RNF123: variants seen among roughly 807,000 people sequenced by gnomAD.
RNF123 encodes E3 ubiquitin-protein ligase RNF123.
Under a neutral mutation model 168.5 loss-of-function variants are expected in RNF123, and 86 were observed. The ratio of observed to expected loss-of-function variants is 0.51; its 90% CI spans 0.43 to 0.61. RNF123 has a LOEUF of 0.61. Among genes scored for constraint, RNF123 ranks in the 20% least tolerant of loss-of-function variants. RNF123 has a pLI of 0.00. For synonymous variants in RNF123, 666 were observed against 689.1 expected (o/e 0.97, Z 0.52); for missense variants, 1,419 against 1,729.7 (o/e 0.82, Z 3.19).
chr3:49,718,385 G>C, intron 35 of RNF123: 1 of 1,613,316 alleles, frequency 6.2e-7, no homozygotes, highest in Non-Finnish European at 8.5e-7. Flanking sequence ...GTCTGGTTGT[G>C]GTGCAGGCGG....
chr3:49,718,582 G>A, intron 35 of RNF123: 1 of 1,613,080 alleles, frequency 6.2e-7, no homozygotes, highest in Non-Finnish European at 8.5e-7. Flanking sequence ...AAGCCTCAGG[G>A]ACCGACCCAC....
intron 3 of RNF123, among the ~76,000 whole-genome samples, chr3:49,693,709 A>G (rs1575518455): frequency 1.3e-5 from 2 of 152,168 alleles, no homozygotes; most frequent in South Asian, 2.1e-4. Flanking sequence ...TGATTGCACT[A>G]TTATAATTTA....
intron 1 of RNF123, among the ~76,000 whole-genome samples, chr3:49,690,671 T>C (rs1185041104): frequency 3.3e-5 from 5 of 152,172 alleles, no homozygotes; most frequent in Admixed American, 2.6e-4. Flanking sequence ...GTGGGACTTA[T>C]GGCTAGAGAT....
chr3:49,707,368 G>T (rs914059694), intron 26 of RNF123, among the ~76,000 whole-genome samples: 4 of 152,174 alleles, frequency 2.6e-5, no homozygotes, highest in Non-Finnish European at 1.5e-5. Flanking sequence ...TGTGTGCCAG[G>T]TGCTGTCCTG....
intron 27 of RNF123, chr3:49,713,307 T>G (rs2080178806): frequency 1.7e-6 from 1 of 603,370 alleles, no homozygotes; most frequent in Non-Finnish European, 2.9e-6. Context: ...CCAGGGCCTG[T>G]CATCCCTTCA....
chr3:49,695,545 G>A (rs1025392877), intron 3 of RNF123, among the ~76,000 whole-genome samples: 2 of 152,244 alleles, frequency 1.3e-5, no homozygotes, highest in African/African-American at 4.8e-5. Flanking sequence ...GAGCAGCAGT[G>A]GGGAGGGGCC....
intron 26 of RNF123, among the ~76,000 whole-genome samples, chr3:49,707,662 G>A (rs1169572435): frequency 6.6e-6 from 1 of 152,118 alleles, no homozygotes. Flanking sequence ...GGGTGATCGA[G>A]GCCTTTGGTA....
rs764513193 is a variant in RNF123, at chr3:49,701,929, C to T, written c.1495+19C>T. The T allele has an allele frequency of 7.7e-6, 12 of 1,557,584 alleles. No homozygotes were observed. The highest frequency in any genetic ancestry group is 1.7e-4 in the Middle Eastern group (1 of 5,874). Reference sequence around the variant, plus strand: ...ATCGAAGGTCAGCCCGCCTTGGGCACGGGGTAGGGTGGGAGGTGTGTGTGT... The same window carrying T: ...ATCGAAGGTCAGCCCGCCTTGGGCATGGGGTAGGGTGGGAGGTGTGTGTGT... On this transcript the variant is annotated intron_variant, in intron 17 of 38. Coordinates refer to ENST00000327697, the MANE Select transcript of RNF123 (RefSeq NM_022064.5).
rs200056189 is a variant in RNF123, at chr3:49,691,200, G to C, written c.35G>C (p.Arg12Pro). The C allele has an allele frequency of 3.7e-6, 6 of 1,613,902 alleles. No homozygotes were observed. The highest frequency in any genetic ancestry group is 1.7e-4 in the Middle Eastern group (1 of 6,032). ...AAGGGGGCCGGCATGTCTTTCTCCCGCAAGAGCTATAGGCTGACCTCAGAT... is the reference window on the plus strand; with the variant it reads ...AAGGGGGCCGGCATGTCTTTCTCCCCCAAGAGCTATAGGCTGACCTCAGAT... ...ASKGAGMSFS[R>P]KSYRLTSDAE... is the part of the protein sequence containing the mutation. The change falls in exon 2 of 39, where the codon CGC (arginine) becomes CCC (proline). Residue 12 changes from arginine (R) to proline (P), a missense_variant. Arg to Pro is a moderately radical substitution (Grantham distance 103). Coordinates refer to ENST00000327697, the MANE Select transcript of RNF123 (RefSeq NM_022064.5).
intron 35 of RNF123, chr3:49,719,080 A>G (rs1251165471): frequency 2.5e-6 from 4 of 1,613,636 alleles, no homozygotes; most frequent in Non-Finnish European, 3.4e-6. Context: ...CAGCCCGTCG[A>G]GGTCGTGGCG....
intron 34 of RNF123, 51 bp from the exon 35 acceptor site, chr3:49,716,342 T>C (rs1427251892): frequency 6.3e-7 from 1 of 1,591,528 alleles, no homozygotes. Flanking sequence ...CCTGGAGCCC[T>C]TGAAGCAGGA....
chr3:49,706,057 C>T lies in RNF123; in HGVS notation c.2380C>T (p.Pro794Ser). ...CACAGAGGACAAGCTCCGCCGGTGC[C>T]CCAAGAGGGTAAGGCCCACATAGTC... ...RDTEDKLRRC[P>S]KRRKDILAEL... The change falls in exon 25 of 39, where the codon CCC becomes TCC. Residue 794 changes from proline to serine, a missense_variant. Pro to Ser is a moderately conservative substitution (Grantham distance 74). Coordinates refer to ENST00000327697, the MANE Select transcript of RNF123 (RefSeq NM_022064.5). The T allele has an allele frequency of 6.2e-7, 1 of 1,614,080 alleles. No homozygotes were observed. Among genetic ancestry groups the T allele is most frequent in the Non-Finnish European group, 8.5e-7 (1 of 1,179,966 alleles).
chr3:49,695,466 C>CT (rs2054250217), intron 3 of RNF123, among the ~76,000 whole-genome samples: 1 of 152,194 alleles, frequency 6.6e-6, no homozygotes. Flanking sequence ...ATGGGGTTGG[C>CT]TTTAGCCTTC....
intron 35 of RNF123, 111 bp downstream of exon 35, chr3:49,716,588 C>T (rs556952605): frequency 4.2e-6 from 4 of 959,870 alleles, no homozygotes; most frequent in Non-Finnish European, 6.5e-6. Context: ...TGGACCTCAG[C>T]ATCAGGTTTT....
Position 49,712,596 on chromosome 3 carries a change from A to G in RNF123, c.2614A>G (p.Asn872Asp). 6.2e-7 allele frequency: 1 copy of G among 1,614,222 alleles called. No individual in the cohort carries two copies. Among genetic ancestry groups the G allele is most frequent in the East Asian group, 2.2e-5 (1 of 44,880 alleles). The change falls in exon 27 of 39, where the codon AAC (asparagine) becomes GAC (aspartate). Residue 872 changes from asparagine to aspartate, a missense_variant. Transcript: ENST00000327697. Reference protein sequence around the residue: ...MPEFYLSVAINSYSALKNYFG... With the variant: ...MPEFYLSVAIDSYSALKNYFG... The stretch of plus-strand genomic sequence containing the variant: ...CGAGTTCTACCTGAGCGTGGCCATC[A>G]ACAGCTACAGTGCTCTCAAGAATTA...
Position 49,702,769 on chromosome 3 carries a change from G to T in RNF123, c.1750+16G>T, listed in dbSNP as rs759078258. ...TTCAGTGAGGGTGAGTGGCACCGGG[G>T]TCCCAGGTCAGTGAGGCTGGACAGA... On this transcript the variant is annotated intron_variant, in intron 20 of 38. Transcript: ENST00000327697. The T allele has an allele frequency of 1.7e-5, 27 of 1,613,888 alleles. No homozygotes were observed. The highest frequency in any genetic ancestry group is 2.2e-5 in the Non-Finnish European group (26 of 1,179,918).
chr3:49,707,003 C>G (rs2054532285), intron 26 of RNF123, 105 bp downstream of exon 26: 1 of 824,004 alleles, frequency 1.2e-6, no homozygotes, highest in South Asian at 1.5e-5. Context: ...AGGCCTCTGG[C>G]ACACACATGT....
intron 26 of RNF123, 128 bp from the exon 27 acceptor site, chr3:49,712,351 T>G: frequency 1.2e-6 from 1 of 835,756 alleles, no homozygotes; most frequent in Non-Finnish European, 1.9e-6. Flanking sequence ...CTGCTCATGC[T>G]TCCTGAAATC....
chr3:49,712,382 G>A (rs578096345), intron 26 of RNF123, 97 bp from the exon 27 acceptor site: 29 of 1,170,682 alleles, frequency 2.5e-5, no homozygotes, highest in Admixed American at 1.0e-4. Context: ...TTGTGCTGTC[G>A]TAGGCCTGGG....
Sources: allele counts gnomAD v4.1 joint callset (sites outside exome capture counted in the v4.1 genomes callset), GRCh38; gene constraint gnomAD v4.1.1; transcripts MANE v1.5; gene names NCBI Gene and HGNC (gene_info 2026-07-23, HGNC 2026-07-21).